The following WDHD1 variants were observed in gnomAD, a reference collection of about 807,000 sequenced individuals.
WDHD1 encodes the protein WD repeat and HMG-box DNA-binding protein 1.
In WDHD1, 111 loss-of-function variants were observed where a neutral mutation model predicts 135.4. The ratio of observed to expected loss-of-function variants is 0.82; its 90% CI spans 0.70 to 0.96. WDHD1 has a LOEUF of 0.96. Among genes scored for constraint, WDHD1 ranks in the 40% least tolerant of loss-of-function variants. The probability of loss-of-function intolerance (pLI) is 0.00; values close to 1 mark genes in which losing one functional copy is unlikely to be tolerated. For missense variants in WDHD1, 1,351 were observed against 1,336.3 expected (o/e 1.01, Z -0.17); for synonymous variants, 434 against 439.0 (o/e 0.99, Z 0.14).
At chr14:54,993,203 G>A (rs773684051) in intron 11 of WDHD1, among the ~76,000 whole-genome samples, 6 of 152,016 alleles carry the variant, frequency 3.9e-5, no homozygotes, top group South Asian at 4.2e-4. Context: ...CTGCAGCCTC[G>A]ACCTCTCGGG....
intron 16 of WDHD1, among the ~76,000 whole-genome samples, chr14:54,967,765 T>C (rs1187888): frequency 1 from 152,240 of 152,246 alleles, 76,117 homozygotes; most frequent in Middle Eastern, 1. Context: ...GGACTACAGA[T>C]ATATGCCACC....
rs114719842 is a variant in WDHD1 at position 54,966,849 on chromosome 14, T to C, written c.2179-243A>G. ...ACAGTTTCCTAGCTATCATAATTAA[T>C]GCTCAGAGAATTTGGTAAACAAGAT... On this transcript the variant is annotated intron_variant, in intron 17 of 25. Transcript: ENST00000360586. 4.3e-3 allele frequency among the ~76,000 whole-genome samples: 653 copies of C among 152,354 alleles called. 6 individuals carry two copies. Among genetic ancestry groups the C allele is most frequent in the African/African-American group, 0.015 (625 of 41,586 alleles).
At chr14:54,965,911 G>GC (rs1399813202) in intron 18 of WDHD1, among the ~76,000 whole-genome samples, 1 of 150,478 alleles carries the variant, frequency 6.6e-6, no homozygotes. Context: ...AGCCAAGACT[G>GC]CACAACTGCA....
At chr14:54,994,127 G>C (rs956902561) in intron 11 of WDHD1, among the ~76,000 whole-genome samples, 2 of 151,848 alleles carry the variant, frequency 1.3e-5, no homozygotes, top group African/African-American at 4.8e-5. Flanking sequence ...ACTTGATAAT[G>C]TTCAAGTGTT....
rs754498690 is a variant in WDHD1 at position 54,963,121 on chromosome 14, T to C, written c.2362A>G (p.Met788Val). The change falls in exon 19 of 26, where the codon ATG becomes GTG. Residue 788 changes from methionine (M) to valine (V), a missense_variant. Coordinates refer to ENST00000360586, the MANE Select transcript of WDHD1 (RefSeq NM_007086.4). The stretch of plus-strand genomic sequence containing the variant: ...GCTAAATTCACAGCATTTTGAGTCA[T>C]TAGATCAGCAAGTTCCACACAACGG... ...EFRCVELADL[M>V]TQNAVNLAIK... 1 of 1,380,966 alleles carries C rather than the reference T, an allele frequency of 7.2e-7. No homozygotes were observed. Among genetic ancestry groups the C allele is most frequent in the Admixed American group, 2.1e-5 (1 of 48,324 alleles). 85.5% of individuals were successfully genotyped at this position (1,380,966 alleles called of 1,614,324 possible). A position where few individuals can be genotyped will look rare whatever the true frequency, so the allele number is the denominator to read the frequency against.
chr14:54,972,577 AAAAAAAAAAAAAAT>A (rs1595081296), intron 16 of WDHD1, among the ~76,000 whole-genome samples: 10 of 125,418 alleles, frequency 8.0e-5, no homozygotes, highest in East Asian at 2.0e-4. Context: ...AAAAAAAAAA[AAAAAAAAAAAAAAT>A]GCCAATGAGG....
intron 3 of WDHD1, among the ~76,000 whole-genome samples, chr14:55,012,755 A>C (rs2042191887): frequency 6.6e-6 from 1 of 152,126 alleles, no homozygotes; most frequent in East Asian, 1.9e-4. Flanking sequence ...GAGCAAGAGG[A>C]TCAAACTCAC....
At chr14:54,948,952 A>C (rs532543211) in intron 24 of WDHD1, among the ~76,000 whole-genome samples, 1 of 152,316 alleles carries the variant, frequency 6.6e-6, no homozygotes, top group South Asian at 2.1e-4. Context: ...TGACTGTTAG[A>C]AGGAAAACTA....
At chr14:54,946,704 T>C (rs1315799696) in intron 24 of WDHD1, among the ~76,000 whole-genome samples, 1 of 152,156 alleles carries the variant, frequency 6.6e-6, no homozygotes, top group Non-Finnish European at 1.5e-5. Context: ...CCCAGGCTGG[T>C]TCCAATCTCC....
chr14:55,001,036 C>A, intron 8 of WDHD1, 44 bp from the exon 9 acceptor site: 1 of 1,251,244 alleles, frequency 8.0e-7, no homozygotes, highest in Non-Finnish European at 1.1e-6. Flanking sequence ...TGTAAAATTT[C>A]AAACTAAATA....
At chr14:54,951,474 A>C (rs1260255971) in intron 24 of WDHD1, among the ~76,000 whole-genome samples, 1 of 152,220 alleles carries the variant, frequency 6.6e-6, no homozygotes, top group Non-Finnish European at 1.5e-5. Flanking sequence ...TGAATAGACC[A>C]ATAACAGGCT....
At chr14:54,952,203 T>C (rs1566706392) in intron 24 of WDHD1, among the ~76,000 whole-genome samples, 1 of 152,228 alleles carries the variant, frequency 6.6e-6, no homozygotes, top group Non-Finnish European at 1.5e-5. Context: ...AGTCAAATTG[T>C]ACCTGTTTGC....
At chr14:55,005,343 A>C (rs1454166253) in intron 7 of WDHD1, 1 of 560,178 alleles carries the variant, frequency 1.8e-6, no homozygotes, top group Non-Finnish European at 3.5e-6. Flanking sequence ...GGCTCCTAAA[A>C]GGCTGCCTGG....
intron 25 of WDHD1, 64 bp from the exon 26 acceptor site, chr14:54,941,754 AT>A: frequency 7.3e-7 from 1 of 1,378,134 alleles, no homozygotes. Context: ...GAAGTAAATG[AT>A]TTATTTACTT....
chr14:54,971,405 G>A (rs2041429759), intron 16 of WDHD1, among the ~76,000 whole-genome samples: 1 of 152,016 alleles, frequency 6.6e-6, no homozygotes, highest in Admixed American at 6.6e-5. Context: ...AGGGAGACCT[G>A]TCTCTACAAA....
At chr14:55,013,047 A>G (rs969898761) in intron 3 of WDHD1, among the ~76,000 whole-genome samples, 1 of 152,024 alleles carries the variant, frequency 6.6e-6, no homozygotes, top group Non-Finnish European at 1.5e-5. Flanking sequence ...CATGTCCATT[A>G]ATCACTTTTA....
intron 25 of WDHD1, among the ~76,000 whole-genome samples, chr14:54,943,833 T>C (rs948281829): frequency 6.7e-6 from 1 of 148,806 alleles, no homozygotes; most frequent in Admixed American, 6.7e-5. Context: ...CAGTGAGAGG[T>C]TGTCTCTATA....
Position 55,010,473 on chromosome 14 carries a change from T to C in WDHD1, c.190-13A>G. ...CCAGTTTTCCACTCTAAAAGAAAAA[T>C]TAAGGTAAGAAACATTAGCAAAACA... is the stretch of plus-strand genomic sequence containing the variant. On this transcript the variant is annotated splice_polypyrimidine_tract_variant and intron_variant, in intron 3 of 25. Coordinates refer to ENST00000360586, the MANE Select transcript of WDHD1 (RefSeq NM_007086.4). The C allele has an allele frequency of 1.3e-6, 2 of 1,550,562 alleles. No individual in the cohort carries two copies. Among genetic ancestry groups the C allele is most frequent in the South Asian group, 1.2e-5 (1 of 80,442 alleles).
intron 21 of WDHD1, among the ~76,000 whole-genome samples, chr14:54,961,438 C>T (rs977967089): frequency 6.6e-6 from 1 of 152,186 alleles, no homozygotes; most frequent in Non-Finnish European, 1.5e-5. Flanking sequence ...TTTCTCTTTG[C>T]TCTCTGAGCT....
Sources: gnomAD v4.1 joint callset for allele counts (sites outside exome capture counted in the v4.1 genomes callset) on GRCh38, gnomAD v4.1.1 for gene constraint, MANE v1.5 for transcripts, NCBI Gene and HGNC (gene_info 2026-07-23, HGNC 2026-07-21) for gene names.